NPAS3: variants seen among roughly 807,000 people sequenced by gnomAD.
NPAS3 encodes neuronal PAS domain-containing protein 3.
NPAS3 carries 14 observed loss-of-function variants against 73.1 expected under a neutral mutation model. That is an observed-to-expected ratio of 0.19 (90% CI 0.13 to 0.30). NPAS3 has a LOEUF of 0.30. Among genes scored for constraint, NPAS3 ranks in the 10% least tolerant of loss-of-function variants. NPAS3 has a pLI of 1.00. For synonymous variants in NPAS3, 620 were observed against 541.5 expected (o/e 1.14, Z -2.01); for missense variants, 1,096 against 1,250.0 (o/e 0.88, Z 1.86).
rs147690670 is a variant in NPAS3, at chr14:33,174,811, G to A, written c.141-40371G>A. ...ATGAAGAGGGCCTTAGGGACAGCTG[G>A]AAGAGCCAGATGGGAGGATGGAGAG... On this transcript the variant is annotated intron_variant, in intron 2 of 11. Transcript: ENST00000356141. Among the ~76,000 whole-genome samples the A allele has an allele frequency of 8.2e-4, 125 of 152,328 alleles. No homozygotes were observed. The Middle Eastern group carries it at 0.02, about 25-fold the overall frequency.
intron 5 of NPAS3, chr14:33,612,261 C>A: frequency 2.7e-6 from 1 of 363,904 alleles, no homozygotes; most frequent in South Asian, 2.1e-5. Context: ...AACAGTGATG[C>A]CCCACTGTTC....
In NPAS3 at chr14:33,196,955, T is replaced by C. The variant is rs141068798; in HGVS notation, c.141-18227T>C. On this transcript the variant is annotated intron_variant, in intron 2 of 11. Transcript: ENST00000356141. ...GCCTGGTATTTTTTCTTCTCCCTTGTCATCATGGTCCAAATACAGGTATTG... is the reference window on the plus strand; with the variant it reads ...GCCTGGTATTTTTTCTTCTCCCTTGCCATCATGGTCCAAATACAGGTATTG... 3.0e-4 allele frequency among the ~76,000 whole-genome samples: 46 copies of C among 152,260 alleles called. No individual in the cohort carries two copies. The East Asian group carries it at 7.3e-3, about 24-fold the overall frequency.
At chr14:33,449,631 G>GCA (rs35853342) in intron 4 of NPAS3, among the ~76,000 whole-genome samples, 9,461 of 148,526 alleles carry the variant, frequency 0.064, 306 homozygotes, top group South Asian at 0.12. Flanking sequence ...GCACACACAT[G>GCA]CACACACACA....
At chr14:33,676,411 G>A (rs973262009) in intron 6 of NPAS3, 26 bp downstream of exon 6, 9 of 1,533,138 alleles carry the variant, frequency 5.9e-6, no homozygotes, top group Admixed American at 4.4e-5. Flanking sequence ...CCAGTGTGTG[G>A]GTTGGTGGGC....
chr14:33,112,040 A>G (rs941048357), intron 2 of NPAS3, among the ~76,000 whole-genome samples: 5 of 152,004 alleles, frequency 3.3e-5, no homozygotes, highest in South Asian at 2.1e-4. Flanking sequence ...TGGTGTATAT[A>G]TGCCACATTT....
intron 5 of NPAS3, among the ~76,000 whole-genome samples, chr14:33,593,076 GT>G (rs2057125260): frequency 6.6e-6 from 1 of 152,016 alleles, no homozygotes; most frequent in African/African-American, 2.4e-5. Flanking sequence ...ACATGGAGGG[GT>G]CATATCACCA....
chr14:33,049,532 C>A (rs1263730111), intron 1 of NPAS3, among the ~76,000 whole-genome samples: 1 of 152,122 alleles, frequency 6.6e-6, no homozygotes, highest in Non-Finnish European at 1.5e-5. Flanking sequence ...CAGAGAAATT[C>A]CCATTTTAAA....
chr14:32,946,512 G>T (rs192879332), intron 1 of NPAS3, among the ~76,000 whole-genome samples: 1 of 152,108 alleles, frequency 6.6e-6, no homozygotes, highest in Non-Finnish European at 1.5e-5. Flanking sequence ...ACTTTGTAGC[G>T]TGTGATGTGG....
At chr14:33,259,067 C>T (rs2048880657) in intron 3 of NPAS3, among the ~76,000 whole-genome samples, 1 of 152,206 alleles carries the variant, frequency 6.6e-6, no homozygotes, top group Non-Finnish European at 1.5e-5. Flanking sequence ...CCCTCCTCGG[C>T]CTTCCAAAGT....
At chr14:33,199,508 T>C (rs8013252) in intron 2 of NPAS3, among the ~76,000 whole-genome samples, 32,151 of 152,088 alleles carry the variant, frequency 0.21, 3,849 homozygotes, top group South Asian at 0.38. Context: ...CTGCTGCTGC[T>C]TTCCTCAGTT....
intron 9 of NPAS3, among the ~76,000 whole-genome samples, chr14:33,787,318 G>A (rs571693133): frequency 5.3e-5 from 8 of 152,070 alleles, no homozygotes; most frequent in Non-Finnish European, 1.0e-4. Context: ...ACAAATTGAC[G>A]CATTCTAAAT....
chr14:33,265,202 A>G (rs546716665), intron 3 of NPAS3, among the ~76,000 whole-genome samples: 2 of 152,344 alleles, frequency 1.3e-5, no homozygotes, highest in South Asian at 4.1e-4. Context: ...AGCAATAAGG[A>G]CAATCCCTAA....
chr14:33,549,563 T>C (rs1053390686), intron 4 of NPAS3, among the ~76,000 whole-genome samples: 1 of 152,164 alleles, frequency 6.6e-6, no homozygotes, highest in African/African-American at 2.4e-5. Flanking sequence ...ATTTGATACA[T>C]CAATCAGATG....
At chr14:33,280,895 G>A (rs2041574772) in intron 3 of NPAS3, among the ~76,000 whole-genome samples, 1 of 152,148 alleles carries the variant, frequency 6.6e-6, no homozygotes, top group African/African-American at 2.4e-5. Flanking sequence ...GTGTCATGCA[G>A]TTAGCAATTG....
chr14:33,182,467 CA>C (rs1374510890), intron 2 of NPAS3, among the ~76,000 whole-genome samples: 1 of 152,072 alleles, frequency 6.6e-6, no homozygotes, highest in African/African-American at 2.4e-5. Flanking sequence ...ACCCCTAAAA[CA>C]AACTTAAAGG....
At chr14:33,538,842 T>G (rs1317902040) in intron 4 of NPAS3, among the ~76,000 whole-genome samples, 3 of 152,152 alleles carry the variant, frequency 2.0e-5, no homozygotes, top group African/African-American at 7.2e-5. Flanking sequence ...CCCTACACTT[T>G]TTTCTTGAAA....
At chr14:33,116,446 A>G (rs1471844386) in intron 2 of NPAS3, among the ~76,000 whole-genome samples, 1 of 152,132 alleles carries the variant, frequency 6.6e-6, no homozygotes, top group African/African-American at 2.4e-5. Context: ...GTATGTATAT[A>G]TATTTAACCT....
At chr14:33,089,739 A>T (rs1001084653) in intron 2 of NPAS3, among the ~76,000 whole-genome samples, 2 of 152,216 alleles carry the variant, frequency 1.3e-5, no homozygotes, top group Non-Finnish European at 2.9e-5. Context: ...TGTTAAGGGC[A>T]GCCAGAGAGA....
intron 3 of NPAS3, among the ~76,000 whole-genome samples, chr14:33,348,502 A>G (rs1359125008): frequency 4.6e-5 from 7 of 152,176 alleles, no homozygotes; most frequent in African/African-American, 1.2e-4. Context: ...TTTGGAAACT[A>G]TTAGAACAAG....
Sources: allele counts gnomAD v4.1 joint callset (sites outside exome capture counted in the v4.1 genomes callset), GRCh38; gene constraint gnomAD v4.1.1; transcripts MANE v1.5; gene names NCBI Gene and HGNC (gene_info 2026-07-23, HGNC 2026-07-21).